NOTCH4: variants seen among roughly 807,000 people sequenced by gnomAD.
NOTCH4 encodes notch receptor 4, also known as neurogenic locus notch homolog protein 4.
NOTCH4 carries 138 observed loss-of-function variants against 189.0 expected under a neutral mutation model. That is an observed-to-expected ratio of 0.73 (90% CI 0.64 to 0.84). The LOEUF (loss-of-function observed/expected upper bound fraction) is 0.84, where lower values mean the gene tolerates loss of function less well. Ranked by LOEUF, NOTCH4 falls within the 40% of genes least tolerant of loss-of-function variation. The pLI is 0.00. For missense variants in NOTCH4, 2,286 were observed against 2,605.4 expected, an observed-to-expected ratio of 0.88 and a Z score of 2.67; for synonymous variants, 942 against 1,032.8, an observed-to-expected ratio of 0.91 and a Z score of 1.69.
Position 32,200,964 on chromosome 6 carries a change from A to C in NOTCH4, c.4182T>G (p.Pro1394=), listed in dbSNP as rs1438519311. The C allele has an allele frequency of 6.3e-7, 1 of 1,599,670 alleles. No individual in the cohort carries two copies. Among genetic ancestry groups the C allele is most frequent in the Non-Finnish European group, 8.5e-7 (1 of 1,173,244 alleles). ...VMGVDLSRCG[P]DHPASRCPWD... ...AGGGACAGCGGGATGCCGGGTGGTCAGGGCCACAGCGGGACAAATCCACAC... is the reference window on the plus strand; with the variant it reads ...AGGGACAGCGGGATGCCGGGTGGTCCGGGCCACAGCGGGACAAATCCACAC... Residue 1394 remains proline (P), a synonymous_variant, in exon 23 of 30, where the codon CCT becomes CCG. Coordinates refer to ENST00000375023, the MANE Select transcript of NOTCH4 (RefSeq NM_004557.4). The surrounding 1 kb of genome is among the most constrained non-coding windows in gnomAD (Gnocchi z 5.0).
At position 32,198,556 on chromosome 6, in the gene NOTCH4, C is replaced by T. The variant is rs1249809881; in HGVS notation, c.4621G>A (p.Glu1541Lys). The change falls in exon 26 of 30, where the codon GAA becomes AAA. Residue 1541 changes from glutamate to lysine, a missense_variant. Around this residue, in one of 2 missense-constraint regions of NOTCH4, gnomAD observed 1,903 missense variants for 2,261.9 expected, o/e 0.84. Coordinates refer to ENST00000375023, the MANE Select transcript of NOTCH4 (RefSeq NM_004557.4). The surrounding 1 kb of genome is among the most constrained non-coding windows in gnomAD (Gnocchi z 5.5). ...CACGTGGAGGGTGGGCCTGTTTCTTCAGCCTTTGGGTAACAGCAAGGATCA... is the reference window on the plus strand; with the variant it reads ...CACGTGGAGGGTGGGCCTGTTTCTTTAGCCTTTGGGTAACAGCAAGGATCA... ...PEEGEEVGQA[E>K]ETGPPSTCQL... 4 of 1,612,720 alleles carry T rather than the reference C, an allele frequency of 2.5e-6. No individual in the cohort carries two copies. The African/African-American group carries it at 5.3e-5, about 22-fold the overall frequency.
In NOTCH4 at chr6:32,210,556, G is replaced by A. The variant is rs938508511; in HGVS notation, c.2865+196C>T. The stretch of plus-strand genomic sequence containing the variant: ...GTCAGGACTCAGGCAGTGGGACAAA[G>A]GGTGAAGGTGAAAGCACAGACTTGA... On this transcript the variant is annotated intron_variant, in intron 18 of 29. Transcript: ENST00000375023. This position sits in a 1 kb window ranked among gnomAD's most constrained non-coding sequence, Gnocchi z 4.8. Among the ~76,000 whole-genome samples the A allele has an allele frequency of 1.3e-5, 2 of 152,184 alleles. No individual in the cohort carries two copies. The highest frequency in any genetic ancestry group is 2.4e-5 in the African/African-American group (1 of 41,428).
chr6:32,202,358 C>G lies in NOTCH4; in HGVS notation c.3473G>C (p.Arg1158Pro), dbSNP rs542331250. 1 of 1,612,840 alleles carries G rather than the reference C, an allele frequency of 6.2e-7. No individual in the cohort carries two copies. The highest frequency in any genetic ancestry group is 8.5e-7 in the Non-Finnish European group (1 of 1,179,948). ...ETTGLGGPGF[R>P]CSCPHSSPGP... Reference sequence around the variant, plus strand: ...TGGAGAGCTGTGAGGGCAGGAGCATCGAAAGCCTGGGCCCCCCAAGCCCGT... The same window carrying G: ...TGGAGAGCTGTGAGGGCAGGAGCATGGAAAGCCTGGGCCCCCCAAGCCCGT... The change falls in exon 21 of 30, where the codon CGA (arginine) becomes CCA (proline). Residue 1158 changes from arginine to proline, a missense_variant. Transcript: ENST00000375023. This position sits in a 1 kb window ranked among gnomAD's most constrained non-coding sequence, Gnocchi z 5.7.
In NOTCH4 at chr6:32,202,074, A is replaced by C; in HGVS notation, c.3755+2T>G. 1 of 1,430,078 alleles carries C rather than the reference A, an allele frequency of 7.0e-7. No individual in the cohort carries two copies. 88.6% of individuals were successfully genotyped at this position (1,430,078 alleles called of 1,614,324 possible). A position where few individuals can be genotyped will look rare whatever the true frequency, so the allele number is the denominator to read the frequency against. The stretch of plus-strand genomic sequence containing the variant: ...CCTGGCTCCAGTGGATTTCAGGCTC[A>C]CGTGCAGGCTGGAGGGGTCTCACAG... On this transcript the variant is annotated splice_donor_variant, in intron 21 of 29. Coordinates refer to ENST00000375023, the MANE Select transcript of NOTCH4 (RefSeq NM_004557.4). LOFTEE classifies it high-confidence loss of function. The surrounding 1 kb of genome is among the most constrained non-coding windows in gnomAD (Gnocchi z 5.7).
At position 32,198,624 on chromosome 6, in the gene NOTCH4, A is replaced by C; in HGVS notation, c.4617+25T>G. ...CTTTCATCCCTTCCATCACCTCCAGACCATTCTTGCCCCAGCCCTTTCACC... is the reference window on the plus strand; with the variant it reads ...CTTTCATCCCTTCCATCACCTCCAGCCCATTCTTGCCCCAGCCCTTTCACC... On this transcript the variant is annotated intron_variant, in intron 25 of 29. Transcript: ENST00000375023. The surrounding 1 kb of genome is among the most constrained non-coding windows in gnomAD (Gnocchi z 5.5). 6.2e-7 allele frequency: 1 copy of C among 1,611,104 alleles called. No homozygotes were observed. Among genetic ancestry groups the C allele is most frequent in the Non-Finnish European group, 8.5e-7 (1 of 1,178,960 alleles).
Position 32,223,949 on chromosome 6 carries a change from C to T in NOTCH4, c.-21G>A. The T allele has an allele frequency of 6.3e-6, 10 of 1,589,186 alleles. No homozygotes were observed. The highest frequency in any genetic ancestry group is 8.5e-6 in the Non-Finnish European group (10 of 1,174,004). On this transcript the variant is annotated 5_prime_UTR_variant, in exon 1 of 30. Transcript: ENST00000375023. Reference sequence around the variant, plus strand: ...TGCATTCCACAGCCCCTTCTCCAAGCCCCGGTCCCTGTCCCTCTTCAGGCA... The same window carrying T: ...TGCATTCCACAGCCCCTTCTCCAAGTCCCGGTCCCTGTCCCTCTTCAGGCA...
In NOTCH4 at chr6:32,199,686, A is replaced by G. The variant is rs1193371125; in HGVS notation, c.4316-541T>C. 7.0e-6 allele frequency among the ~76,000 whole-genome samples: 1 copy of G among 142,210 alleles called. No homozygotes were observed. Among genetic ancestry groups the G allele is most frequent in the Non-Finnish European group, 1.5e-5 (1 of 65,434 alleles). The allele number at this position is 142,210 out of a possible 152,430, so 93.3% of individuals were successfully genotyped here. On this transcript the variant is annotated intron_variant, in intron 23 of 29. Transcript: ENST00000375023. The surrounding 1 kb of genome is among the most constrained non-coding windows in gnomAD (Gnocchi z 4.9). ...GCCACTGCACTCCGGCCTGGGCGAC[A>G]AGGCAAGACTCTGTCTCAAACAAAA...
intron 20 of NOTCH4, 36 bp downstream of exon 20, chr6:32,203,734 G>T: frequency 6.8e-7 from 1 of 1,468,896 alleles, no homozygotes; most frequent in East Asian, 2.5e-5. Context: ...TGTCAGCATA[G>T]GGGGCAACAG....
At chr6:32,206,679 C>T (rs527962738) in intron 18 of NOTCH4, among the ~76,000 whole-genome samples, 1 of 152,010 alleles carries the variant, frequency 6.6e-6, no homozygotes, top group East Asian at 2.0e-4. Context: ...ATATTCTTTA[C>T]AGAAATAGAA....
intron 11 of NOTCH4, chr6:32,216,239 G>A (rs1172134348): frequency 6.5e-6 from 1 of 153,072 alleles, no homozygotes; most frequent in Non-Finnish European, 1.5e-5. Flanking sequence ...TGTTAGCCAG[G>A]ATAGTGTCGA....
chr6:32,205,545 C>CT (rs1788620658), intron 18 of NOTCH4, among the ~76,000 whole-genome samples: 1 of 19,462 alleles, frequency 5.1e-5, no homozygotes, highest in African/African-American at 2.8e-4. Context: ...GAGATGCTGT[C>CT]TCAAAAAAAA....
In NOTCH4 at chr6:32,195,647, G is replaced by GT. The variant is rs778593140; in HGVS notation, c.5801dup (p.Tyr1934Ter). The change falls in exon 30 of 30, where the codon TAC (tyrosine) becomes TAAC (stop). Residue 1934 changes from tyrosine (Y) to a stop codon, truncating the protein, a stop_gained and frameshift_variant. Coordinates refer to ENST00000375023, the MANE Select transcript of NOTCH4 (RefSeq NM_004557.4). LOFTEE classifies it low-confidence loss of function (END_TRUNC). This position sits in a 1 kb window ranked among gnomAD's most constrained non-coding sequence, Gnocchi z 5.4. ...RPNPAIMRGR[Y>*]GVAAGRGGRV... ...TGCCTCCGCGCCCGGCAGCCACTCC[G>GT]TATCTTCCTCGCATTATCGCAGGGT... is the stretch of plus-strand genomic sequence containing the variant. The GT allele has an allele frequency of 5.0e-6, 8 of 1,612,820 alleles. No homozygotes were observed. The highest frequency in any genetic ancestry group is 5.1e-6 in the Non-Finnish European group (6 of 1,179,950).
rs748330140 is a variant in NOTCH4, at chr6:32,212,877, G to T, written c.2473C>A (p.Pro825Thr). 1 of 1,555,676 alleles carries T rather than the reference G, an allele frequency of 6.4e-7. No individual in the cohort carries two copies. Among genetic ancestry groups the T allele is most frequent in the Non-Finnish European group, 8.7e-7 (1 of 1,149,268 alleles). ...GGGCAGAGGCAGCGGGGACCCTGAGGGCTGTCCTGGCAGGTTGCCCTATTC... is the reference window on the plus strand; with the variant it reads ...GGGCAGAGGCAGCGGGGACCCTGAGTGCTGTCCTGGCAGGTTGCCCTATTC... Reference protein sequence around the residue: ...CRNRATCQDSPQGPRCLCPTG... With the variant: ...CRNRATCQDSTQGPRCLCPTG... Residue 825 changes from proline to threonine, a missense_variant, in exon 16 of 30, where the codon CCT becomes ACT. Coordinates refer to ENST00000375023, the MANE Select transcript of NOTCH4 (RefSeq NM_004557.4). This position sits in a 1 kb window ranked among gnomAD's most constrained non-coding sequence, Gnocchi z 4.4.
At chr6:32,197,147 A>G in intron 27 of NOTCH4, 75 bp from the exon 28 acceptor site, 3 of 1,553,276 alleles carry the variant, frequency 1.9e-6, no homozygotes, top group Non-Finnish European at 1.7e-6. Flanking sequence ...TATTAACCCC[A>G]CTCGCAATCC....
rs1458860735 is a variant in NOTCH4, at chr6:32,215,368, G to A, written c.1879C>T (p.Pro627Ser). 6.2e-7 allele frequency: 1 copy of A among 1,610,354 alleles called. No individual in the cohort carries two copies. The highest frequency in any genetic ancestry group is 8.5e-7 in the Non-Finnish European group (1 of 1,179,086). Reference sequence around the variant, plus strand: ...TGGCACAGGTTGGGAGCACACAGGGGAACCTCACAGAGCTGGCCTGGGGTG... The same window carrying A: ...TGGCACAGGTTGGGAGCACACAGGGAAACCTCACAGAGCTGGCCTGGGGTG... The part of the protein sequence containing the change: ...SGFTGQLCEV[P>S]LCAPNLCQPK... Residue 627 changes from proline to serine, a missense_variant, in exon 12 of 30, where the codon CCC (proline) becomes TCC (serine). Physicochemically the swap from Pro to Ser is moderately conservative, Grantham distance 74. Around this residue, in one of 2 missense-constraint regions of NOTCH4, gnomAD observed 1,903 missense variants for 2,261.9 expected, o/e 0.84. Coordinates refer to ENST00000375023, the MANE Select transcript of NOTCH4 (RefSeq NM_004557.4).
At position 32,201,405 on chromosome 6, in the gene NOTCH4, C is replaced by A; in HGVS notation, c.3851G>T (p.Cys1284Phe). 2 of 1,568,854 alleles carry A rather than the reference C, an allele frequency of 1.3e-6. No homozygotes were observed. Among genetic ancestry groups the A allele is most frequent in the Non-Finnish European group, 1.7e-6 (2 of 1,158,982 alleles). Residue 1284 changes from cysteine to phenylalanine, a missense_variant, in exon 22 of 30, where the codon TGC (cysteine) becomes TTC (phenylalanine). Cys to Phe is a radical substitution (Grantham distance 205). Coordinates refer to ENST00000375023, the MANE Select transcript of NOTCH4 (RefSeq NM_004557.4). The surrounding 1 kb of genome is among the most constrained non-coding windows in gnomAD (Gnocchi z 5.5). ...CTCTGGGTCCCCATCTTCAGGCCTG[C>A]AGTCACCTCCATCCCAGCCACACTC... ...TAECGWDGGD[C>F]RPEDGDPEWG... is the part of the protein sequence containing the mutation.
In NOTCH4 at chr6:32,195,915, G is replaced by A. The variant is rs1787866791; in HGVS notation, c.5534C>T (p.Thr1845Met). 6.3e-7 allele frequency: 1 copy of A among 1,586,400 alleles called. No individual in the cohort carries two copies. Among genetic ancestry groups the A allele is most frequent in the Non-Finnish European group, 8.5e-7 (1 of 1,173,896 alleles). The change falls in exon 30 of 30, where the codon ACG becomes ATG. Residue 1845 changes from threonine (T) to methionine (M), a missense_variant. Coordinates refer to ENST00000375023, the MANE Select transcript of NOTCH4 (RefSeq NM_004557.4). This position sits in a 1 kb window ranked among gnomAD's most constrained non-coding sequence, Gnocchi z 5.4. ...REAGPFPRAR[T>M]VSVSVPPHGG... ...ATGCGGGGGCACGCTTACTGACACC[G>A]TCCGTGCGCGCGGGAAGGGCCCAGC...
At chr6:32,208,401 A>G (rs757618842) in intron 18 of NOTCH4, among the ~76,000 whole-genome samples, 2 of 152,248 alleles carry the variant, frequency 1.3e-5, no homozygotes, top group Non-Finnish European at 2.9e-5. Flanking sequence ...CAAAACCACA[A>G]TGAGATATCA....
Position 32,201,850 on chromosome 6 carries a change from CTT to C in NOTCH4, c.3755+224_3755+225del. The C allele has an allele frequency of 2.3e-6, 1 of 426,308 alleles. No individual in the cohort carries two copies. The highest frequency in any genetic ancestry group is 4.0e-6 in the Non-Finnish European group (1 of 248,726). 26.4% of individuals were successfully genotyped at this position (426,308 alleles called of 1,614,324 possible). On this transcript the variant is annotated intron_variant, in intron 21 of 29. Transcript: ENST00000375023. The surrounding 1 kb of genome is among the most constrained non-coding windows in gnomAD (Gnocchi z 5.5). ...GCTTGAGACCTGAGTTCCTTCAACT[CTT>C]AGAGAGGAGCCCAAAGGCCACGCCC... is the stretch of plus-strand genomic sequence containing the variant.
Sources: allele counts gnomAD v4.1 joint callset (sites outside exome capture counted in the v4.1 genomes callset), GRCh38; gene constraint gnomAD v4.1.1; regional missense constraint gnomAD v4.1.1; non-coding constraint Gnocchi (gnomAD v3.1); transcripts MANE v1.5; gene names NCBI Gene and HGNC (gene_info 2026-07-23, HGNC 2026-07-21).